The following CSMD1 variants were observed in gnomAD, a reference collection of about 807,000 sequenced individuals.
CSMD1 encodes the protein CUB and Sushi multiple domains 1, also known as CUB and sushi domain-containing protein 1.
In CSMD1, 213 loss-of-function variants were observed where a neutral mutation model predicts 417.5. The ratio of observed to expected loss-of-function variants is 0.51; its 90% CI spans 0.46 to 0.57. The LOEUF is 0.57. Ranked by LOEUF, CSMD1 falls within the 20% of genes least tolerant of loss-of-function variation. The probability of loss-of-function intolerance (pLI) is 0.00; values close to 1 mark genes in which losing one functional copy is unlikely to be tolerated. For synonymous variants in CSMD1, 2,862 were observed against 1,736.8 expected (o/e 1.65, Z -16.11); for missense variants, 6,923 against 4,529.7 (o/e 1.53, Z -15.17).
intron 9 of CSMD1, among the ~76,000 whole-genome samples, chr8:3,576,619 CA>C (rs1554475467): frequency 6.6e-6 from 1 of 152,134 alleles, no homozygotes; most frequent in Non-Finnish European, 1.5e-5. Flanking sequence ...AAATGAAAAA[CA>C]AACATGGGTA....
chr8:4,118,286 A>C (rs770394762), intron 3 of CSMD1, among the ~76,000 whole-genome samples: 2 of 152,208 alleles, frequency 1.3e-5, no homozygotes, highest in Non-Finnish European at 2.9e-5. Context: ...TCACATGTGA[A>C]GAAGTTCGAC....
At chr8:4,321,080 ACG>A (rs1192068007) in intron 3 of CSMD1, among the ~76,000 whole-genome samples, 1 of 152,116 alleles carries the variant, frequency 6.6e-6, no homozygotes, top group East Asian at 1.9e-4. Context: ...GTCTTGTCAT[ACG>A]CTTATATTGA....
intron 1 of CSMD1, among the ~76,000 whole-genome samples, chr8:4,677,267 G>A (rs1805755280): frequency 6.6e-6 from 1 of 151,590 alleles, no homozygotes. Context: ...TTTGTTGAAG[G>A]AATCCAACAA....
Position 3,806,869 on chromosome 8 carries a change from A to T in CSMD1, c.819-52827T>A, listed in dbSNP as rs151246927. 3.6e-3 allele frequency among the ~76,000 whole-genome samples: 541 copies of T among 152,314 alleles called. 7 individuals are homozygous for T. The highest frequency in any genetic ancestry group is 0.012 in the African/African-American group (510 of 41,580). ...GCAGACACAATGTAATCTAGTAACC[A>T]ATTAACAGTAGTTAGAGACTTAATA... On this transcript the variant is annotated intron_variant, in intron 5 of 69. Transcript: ENST00000635120.
intron 5 of CSMD1, among the ~76,000 whole-genome samples, chr8:3,865,025 T>C (rs1325213017): frequency 1.3e-5 from 2 of 152,242 alleles, no homozygotes; most frequent in Non-Finnish European, 2.9e-5. Context: ...AATCTCCTAA[T>C]TTGTCAAGTA....
chr8:3,993,118 A>C (rs1381354612), intron 5 of CSMD1, among the ~76,000 whole-genome samples: 1 of 152,264 alleles, frequency 6.6e-6, no homozygotes, highest in Non-Finnish European at 1.5e-5. Flanking sequence ...CTGATGCTAC[A>C]TGAATTTCTT....
intron 7 of CSMD1, among the ~76,000 whole-genome samples, chr8:3,672,360 TC>T (rs1799119242): frequency 6.7e-6 from 1 of 148,886 alleles, no homozygotes; most frequent in African/African-American, 2.5e-5. Flanking sequence ...GTAGTGTGTG[TC>T]GGCATTTAGA....
At chr8:3,125,350 T>A (rs1262893663) in intron 41 of CSMD1, among the ~76,000 whole-genome samples, 1 of 152,244 alleles carries the variant, frequency 6.6e-6, no homozygotes, top group Non-Finnish European at 1.5e-5. Flanking sequence ...GGCGTCAATC[T>A]GCTGTCAGAA....
At chr8:4,869,275 C>T (rs553296936) in intron 1 of CSMD1, among the ~76,000 whole-genome samples, 4 of 152,092 alleles carry the variant, frequency 2.6e-5, no homozygotes, top group Non-Finnish European at 4.4e-5. Flanking sequence ...TAACATAGTG[C>T]TAATTCCATC....
chr8:4,311,683 A>G (rs10105996), intron 3 of CSMD1, among the ~76,000 whole-genome samples: 23,038 of 149,558 alleles, frequency 0.15, 3,327 homozygotes, highest in African/African-American at 0.38. Flanking sequence ...AGATTGTGCC[A>G]CAGCACTCCA....
At chr8:4,315,858 T>C (rs1374195488) in intron 3 of CSMD1, among the ~76,000 whole-genome samples, 2 of 152,190 alleles carry the variant, frequency 1.3e-5, no homozygotes, top group African/African-American at 4.8e-5. Flanking sequence ...TATTATATTC[T>C]CAGTCTTCTT....
At chr8:3,327,139 A>G (rs1208361701) in intron 23 of CSMD1, among the ~76,000 whole-genome samples, 2 of 136,928 alleles carry the variant, frequency 1.5e-5, no homozygotes, top group African/African-American at 5.9e-5. Context: ...ACATCTTTAC[A>G]ATACCATCTT....
chr8:4,862,208 G>T (rs941404467), intron 1 of CSMD1, among the ~76,000 whole-genome samples: 3 of 151,980 alleles, frequency 2.0e-5, no homozygotes, highest in Non-Finnish European at 2.9e-5. Flanking sequence ...ACGAGGCCTG[G>T]GGGGCTTGAA....
intron 5 of CSMD1, among the ~76,000 whole-genome samples, chr8:3,963,044 C>A (rs1249935184): frequency 6.6e-6 from 1 of 152,144 alleles, no homozygotes; most frequent in Admixed American, 6.5e-5. Context: ...TCAAGCAATT[C>A]TCCTGCCTCA....
chr8:3,616,426 A>T (rs945293768), intron 8 of CSMD1, among the ~76,000 whole-genome samples: 16 of 152,184 alleles, frequency 1.1e-4, no homozygotes, highest in African/African-American at 2.9e-4. Flanking sequence ...CTCCTCAACC[A>T]TGCTGAACTA....
At chr8:4,397,637 T>A (rs1255219388) in intron 3 of CSMD1, among the ~76,000 whole-genome samples, 1 of 145,352 alleles carries the variant, frequency 6.9e-6, no homozygotes, top group Non-Finnish European at 1.5e-5. Context: ...ACAATATGCA[T>A]CACTTGTTCT....
chr8:4,267,988 G>C (rs556749331), intron 3 of CSMD1, among the ~76,000 whole-genome samples: 2 of 152,186 alleles, frequency 1.3e-5, no homozygotes, highest in East Asian at 1.9e-4. Flanking sequence ...GTACAAGTGA[G>C]ATGGTGGAGG....
chr8:3,651,310 A>T (rs1312417813), intron 7 of CSMD1, among the ~76,000 whole-genome samples: 1 of 152,076 alleles, frequency 6.6e-6, no homozygotes, highest in Non-Finnish European at 1.5e-5. Context: ...CCTTACATTG[A>T]TTCATAAAAC....
intron 3 of CSMD1, among the ~76,000 whole-genome samples, chr8:4,187,086 T>G (rs866066477): frequency 1.3e-5 from 2 of 152,226 alleles, no homozygotes; most frequent in African/African-American, 4.8e-5. Context: ...ACATTATCTC[T>G]AAGGTCCCTT....
Sources: gnomAD v4.1 joint callset for allele counts (sites outside exome capture counted in the v4.1 genomes callset) on GRCh38, gnomAD v4.1.1 for gene constraint, MANE v1.5 for transcripts, NCBI Gene and HGNC (gene_info 2026-07-23, HGNC 2026-07-21) for gene names.